FAM228B: variants seen among roughly 807,000 people sequenced by gnomAD.
FAM228B encodes the protein protein FAM228B.
In FAM228B, 38 loss-of-function variants were observed where a neutral mutation model predicts 42.6. That is an observed-to-expected ratio of 0.89 (90% CI 0.69 to 1.17). The LOEUF is 1.17. FAM228B is among the 50% of genes most tolerant of loss of function. The pLI is 0.00. For missense variants in FAM228B, 344 were observed against 367.3 expected, an observed-to-expected ratio of 0.94 and a Z score of 0.52; for synonymous variants, 109 against 122.3, an observed-to-expected ratio of 0.89 and a Z score of 0.72.
Position 24,169,198 on chromosome 2 carries a change from G to A in FAM228B, c.*15-158G>A, listed in dbSNP as rs919188158. 3.3e-5 allele frequency among the ~76,000 whole-genome samples: 5 copies of A among 152,168 alleles called. No homozygotes were observed. The highest frequency in any genetic ancestry group is 9.7e-5 in the African/African-American group (4 of 41,434). On this transcript the variant is annotated intron_variant, in intron 10 of 10. Transcript: ENST00000615575. This position sits in a 1 kb window ranked among gnomAD's most constrained non-coding sequence, Gnocchi z 4.2. ...AGCGCGAGGAAAGGCTGAGGCAGGA[G>A]GCCTAGGTGGAGACCCTGCCTGAGA...
chr2:24,137,860 A>G (rs1377937656), intron 3 of FAM228B, 49 bp from the exon 4 acceptor site: 1 of 1,370,422 alleles, frequency 7.3e-7, no homozygotes, highest in Non-Finnish European at 9.7e-7. Context: ...ATTTTAGAAC[A>G]AGAAAGCTTT....
intron 7 of FAM228B, 115 bp downstream of exon 7, chr2:24,147,201 T>C (rs76059717): frequency 4.1e-6 from 3 of 724,108 alleles, no homozygotes; most frequent in Non-Finnish European, 6.3e-6. Flanking sequence ...TCTTTTTTTT[T>C]GAGACAGAGT....
chr2:24,104,078 A>G (rs1264198810), intron 3 of FAM228B, among the ~76,000 whole-genome samples: 2 of 152,202 alleles, frequency 1.3e-5, no homozygotes, highest in African/African-American at 2.4e-5. Context: ...GTTGGGACCC[A>G]TCAGGGCAGT....
chr2:24,144,520 A>C (rs1666847635), intron 5 of FAM228B, among the ~76,000 whole-genome samples: 1 of 152,204 alleles, frequency 6.6e-6, no homozygotes, highest in Admixed American at 6.5e-5. Context: ...GGAACACGTC[A>C]TCTAAGAGGA....
upstream of FAM228B, among the ~76,000 whole-genome samples, chr2:24,121,936 T>A (rs528074786): frequency 6.6e-6 from 1 of 152,204 alleles, no homozygotes; most frequent in Non-Finnish European, 1.5e-5. Context: ...CTTTTCTTTA[T>A]AAATTACCCA....
chr2:24,084,140 G>T lies in FAM228B; in HGVS notation c.-210+3185G>T. On this transcript the variant is annotated intron_variant, in intron 2 of 10. Transcript: ENST00000613899. This position sits in a 1 kb window ranked among gnomAD's most constrained non-coding sequence, Gnocchi z 8.4. Reference sequence around the variant, plus strand: ...CAATGTCCACTGAGTGCTGTTGAGAGGGAGGCTCTGGAGTCCCGCCCGCCC... The same window carrying T: ...CAATGTCCACTGAGTGCTGTTGAGATGGAGGCTCTGGAGTCCCGCCCGCCC... 6.4e-7 allele frequency: 1 copy of T among 1,572,224 alleles called. No individual in the cohort carries two copies. Among genetic ancestry groups the T allele is most frequent in the East Asian group, 2.2e-5 (1 of 44,534 alleles).
chr2:24,119,698 AAG>A, upstream of FAM228B: 13 of 1,578,212 alleles, frequency 8.2e-6, no homozygotes, highest in Non-Finnish European at 1.1e-5. Flanking sequence ...TAAAGAATAT[AAG>A]AGAATATTCT....
intron 3 of FAM228B, among the ~76,000 whole-genome samples, chr2:24,116,499 A>C (rs1665920817): frequency 6.6e-6 from 1 of 151,108 alleles, no homozygotes; most frequent in Admixed American, 6.6e-5. Flanking sequence ...GTAGCACTTC[A>C]TTTTTTTTTA....
At chr2:24,082,157 G>A (rs1226776146) in intron 2 of FAM228B, among the ~76,000 whole-genome samples, 2 of 152,110 alleles carry the variant, frequency 1.3e-5, no homozygotes, top group Admixed American at 6.6e-5. Context: ...CATCATGCCT[G>A]GTTAATTTTT....
At chr2:24,082,413 T>C (rs1468010611) in intron 2 of FAM228B, among the ~76,000 whole-genome samples, 1 of 152,224 alleles carries the variant, frequency 6.6e-6, no homozygotes, top group Non-Finnish European at 1.5e-5. Context: ...GCTTCTATCA[T>C]AGACAGGGCT....
intron 1 of FAM228B, 69 bp from the exon 2 acceptor site, chr2:24,124,261 G>A (rs1666240960): frequency 1.3e-6 from 1 of 768,494 alleles, no homozygotes; most frequent in South Asian, 1.9e-5. Flanking sequence ...CAAGGACACA[G>A]GTGGTATTAA....
intron 3 of FAM228B, among the ~76,000 whole-genome samples, chr2:24,097,698 C>T (rs1665528779): frequency 2.0e-5 from 3 of 151,990 alleles, no homozygotes; most frequent in African/African-American, 4.8e-5. Flanking sequence ...ACTTTAACAC[C>T]CCACTGTCAA....
Position 24,139,656 on chromosome 2 carries a change from G to T in FAM228B, c.441+206G>T, listed in dbSNP as rs191898083. 9.9e-5 allele frequency among the ~76,000 whole-genome samples: 15 copies of T among 152,266 alleles called. No individual in the cohort carries two copies. The East Asian group carries it at 2.9e-3, about 29-fold the overall frequency. ...ATAAAAGTGGAAAATACTGGATAAT[G>T]ATTGGGTAATAGGTAACGTTTAAAA... On this transcript the variant is annotated intron_variant, in intron 5 of 10. Coordinates refer to ENST00000615575, the MANE Select transcript of FAM228B (RefSeq NM_001145710.2).
chr2:24,098,312 G>A (rs986709282), intron 3 of FAM228B, among the ~76,000 whole-genome samples: 8 of 151,952 alleles, frequency 5.3e-5, no homozygotes, highest in African/African-American at 1.7e-4. Context: ...ATAGAGACAC[G>A]AAAACCCTTC....
chr2:24,153,600 C>T (rs111801855), intron 7 of FAM228B, among the ~76,000 whole-genome samples: 4,504 of 152,270 alleles, frequency 0.03, 88 homozygotes, highest in African/African-American at 0.058. Context: ...CTTCACTCTC[C>T]TCCCTTTAAG....
chr2:24,083,309 C>T (rs1368212192), intron 2 of FAM228B, among the ~76,000 whole-genome samples: 1 of 152,050 alleles, frequency 6.6e-6, no homozygotes, highest in Admixed American at 6.6e-5. Flanking sequence ...AAGGAGAGGC[C>T]ATTAGTTTTA....
At chr2:24,164,176 C>A in intron 8 of FAM228B, 22 bp from the exon 9 acceptor site, 1 of 1,534,854 alleles carries the variant, frequency 6.5e-7, no homozygotes, top group East Asian at 2.5e-5. Flanking sequence ...AGAATCCCTT[C>A]CTTTCTGGTT....
intron 2 of FAM228B, among the ~76,000 whole-genome samples, chr2:24,090,233 A>G (rs1191033048): frequency 6.6e-6 from 1 of 152,120 alleles, no homozygotes; most frequent in Non-Finnish European, 1.5e-5. Context: ...GCGCCACTGC[A>G]CTCCAGCCTG....
At chr2:24,110,811 C>T (rs940167683) in intron 3 of FAM228B, among the ~76,000 whole-genome samples, 6 of 152,206 alleles carry the variant, frequency 3.9e-5, no homozygotes, top group East Asian at 3.9e-4. Context: ...GTGGGTAGTG[C>T]GGGTAGCCTG....
Sources: allele counts gnomAD v4.1 joint callset (sites outside exome capture counted in the v4.1 genomes callset), GRCh38; gene constraint gnomAD v4.1.1; non-coding constraint Gnocchi (gnomAD v3.1); transcripts MANE v1.5; gene names NCBI Gene and HGNC (gene_info 2026-07-23, HGNC 2026-07-21).